Variants in ANK3 observed in about 807,000 individuals in gnomAD.
The protein encoded by ANK3 is ankyrin-3.
ANK3 carries 57 observed loss-of-function variants against 370.9 expected under a neutral mutation model. The observed-to-expected ratio is 0.15, with a 90% confidence interval of 0.12 to 0.19. ANK3 has a LOEUF of 0.19. Ranked by LOEUF, ANK3 falls within the 10% of genes least tolerant of loss-of-function variation. The probability of loss-of-function intolerance (pLI) is 1.00; values close to 1 mark genes in which losing one functional copy is unlikely to be tolerated. For missense variants in ANK3, 4,439 were observed against 5,302.1 expected (o/e 0.84, Z 5.06); for synonymous variants, 1,929 against 1,946.3 (o/e 0.99, Z 0.23).
intron 1 of ANK3, among the ~76,000 whole-genome samples, chr10:60,304,832 T>G (rs986505415): frequency 2.0e-5 from 3 of 152,160 alleles, no homozygotes; most frequent in African/African-American, 7.2e-5. Context: ...TTCCCACCCC[T>G]GCTTCATTCA....
At chr10:60,435,185 T>C (rs2064126383) in intron 2 of ANK3, among the ~76,000 whole-genome samples, 1 of 152,160 alleles carries the variant, frequency 6.6e-6, no homozygotes, top group African/African-American at 2.4e-5. Context: ...AGTATAGGAT[T>C]ACGGGTTGAA....
At position 60,147,009 on chromosome 10, in the gene ANK3, C is replaced by T. The variant is rs149884254; in HGVS notation, c.2615-7922G>A. Among the ~76,000 whole-genome samples, 9 of 152,244 alleles carry T rather than the reference C, an allele frequency of 5.9e-5. No homozygotes were observed. In the East Asian group the frequency reaches 7.7e-4, roughly 13 times the overall value. Reference sequence around the variant, plus strand: ...AGAGTTACAGAATAGTTGATGGGAACGTTAGTTAGATGCCAGATCTGCATG... The same window carrying T: ...AGAGTTACAGAATAGTTGATGGGAATGTTAGTTAGATGCCAGATCTGCATG... On this transcript the variant is annotated intron_variant, in intron 23 of 43. Coordinates refer to ENST00000280772, the MANE Select transcript of ANK3 (RefSeq NM_020987.5).
intron 23 of ANK3, among the ~76,000 whole-genome samples, chr10:60,157,223 G>A (rs912249378): frequency 6.6e-5 from 10 of 151,826 alleles, no homozygotes; most frequent in African/African-American, 2.2e-4. Context: ...TTTTAGTAGA[G>A]ACAGGGTTTC....
At chr10:60,187,385 G>C (rs1361082362) in intron 16 of ANK3, among the ~76,000 whole-genome samples, 1 of 152,044 alleles carries the variant, frequency 6.6e-6, no homozygotes, top group Non-Finnish European at 1.5e-5. Context: ...TCCATCTCCT[G>C]ACCTCGTGAT....
At chr10:60,240,165 CAT>C (rs1185317188) in intron 7 of ANK3, among the ~76,000 whole-genome samples, 3 of 130,098 alleles carry the variant, frequency 2.3e-5, no homozygotes, top group African/African-American at 1.0e-4. Context: ...CATATATACA[CAT>C]ATATATACAT....
intron 1 of ANK3, among the ~76,000 whole-genome samples, chr10:60,654,285 T>C (rs979979696): frequency 6.6e-6 from 1 of 152,176 alleles, no homozygotes; most frequent in African/African-American, 2.4e-5. Context: ...TTCTTTCCAA[T>C]TTGTACATAT....
chr10:60,460,084 ACAC>A (rs72054178), intron 2 of ANK3, among the ~76,000 whole-genome samples: 34,331 of 151,966 alleles, frequency 0.23, 4,052 homozygotes, highest in East Asian at 0.38. Flanking sequence ...AGCCTAGAAC[ACAC>A]CACCAATTCC....
intron 7 of ANK3, among the ~76,000 whole-genome samples, chr10:60,258,504 G>C (rs191582177): frequency 6.6e-5 from 10 of 152,170 alleles, no homozygotes; most frequent in Non-Finnish European, 7.3e-5. Context: ...ATTCACCACT[G>C]ACTGGGACCT....
chr10:60,358,859 A>AT (rs1371716369), intron 1 of ANK3, among the ~76,000 whole-genome samples: 1 of 151,716 alleles, frequency 6.6e-6, no homozygotes, highest in African/African-American at 2.4e-5. Context: ...TTTGGAAAAG[A>AT]TTTTTTATTT....
At chr10:60,242,709 G>T (rs2097486401) in intron 7 of ANK3, among the ~76,000 whole-genome samples, 1 of 152,176 alleles carries the variant, frequency 6.6e-6, no homozygotes, top group Non-Finnish European at 1.5e-5. Context: ...CATCACAGGG[G>T]TGTCAAGAGG....
intron 40 of ANK3, among the ~76,000 whole-genome samples, chr10:60,060,911 G>A (rs1309752336): frequency 1.3e-5 from 2 of 152,138 alleles, no homozygotes; most frequent in Non-Finnish European, 2.9e-5. Context: ...GGGGAGGGGG[G>A]AACGAATCCC....
chr10:60,338,609 T>G (rs1014294898), intron 1 of ANK3, among the ~76,000 whole-genome samples: 4 of 152,214 alleles, frequency 2.6e-5, no homozygotes, highest in African/African-American at 9.6e-5. Flanking sequence ...TATGACGTTG[T>G]GTCCCCCCAG....
In ANK3 at chr10:60,181,345, A is replaced by C. The variant is rs1328935675; in HGVS notation, c.2168T>G (p.Val723Gly). Residue 723 changes from valine (V) to glycine (G), a missense_variant, in exon 18 of 44, where the codon GTG becomes GGG. Coordinates refer to ENST00000280772, the MANE Select transcript of ANK3 (RefSeq NM_020987.5). ...GCCGTATACCTTTGTCTGGGCGTCC[A>C]CATGAGCCCCTTGGTTTACGAGGAC... The part of the protein sequence containing the change: ...AEVLVNQGAH[V>G]DAQTKMGYTP... 1.2e-6 allele frequency: 2 copies of C among 1,614,112 alleles called. No individual in the cohort carries two copies. Among genetic ancestry groups the C allele is most frequent in the Non-Finnish European group, 1.7e-6 (2 of 1,180,040 alleles).
At chr10:60,693,505 A>T (rs1196884594) in intron 1 of ANK3, among the ~76,000 whole-genome samples, 1 of 152,252 alleles carries the variant, frequency 6.6e-6, no homozygotes, top group Non-Finnish European at 1.5e-5. Context: ...TCCCTGTCTG[A>T]CAGCTTTGAA....
intron 42 of ANK3, among the ~76,000 whole-genome samples, chr10:60,049,587 A>G (rs2077542722): frequency 6.6e-6 from 1 of 151,918 alleles, no homozygotes; most frequent in African/African-American, 2.4e-5. Flanking sequence ...CTCTGTCTCA[A>G]AAAAAAAGTA....
intron 25 of ANK3, 37 bp downstream of exon 25, chr10:60,134,234 T>G (rs1229107460): frequency 1.3e-6 from 2 of 1,512,024 alleles, no homozygotes; most frequent in African/African-American, 2.8e-5. Context: ...CAAATGTAAG[T>G]TTAATGGTCA....
At chr10:60,424,090 A>G (rs550892634) in intron 2 of ANK3, among the ~76,000 whole-genome samples, 9 of 152,180 alleles carry the variant, frequency 5.9e-5, no homozygotes, top group African/African-American at 2.2e-4. Context: ...GAGGACAACA[A>G]AAGTTTGATT....
intron 2 of ANK3, among the ~76,000 whole-genome samples, chr10:60,603,148 T>C (rs1282970321): frequency 6.6e-6 from 1 of 152,168 alleles, no homozygotes; most frequent in Non-Finnish European, 1.5e-5. Flanking sequence ...TTTAAAATGG[T>C]TCATTCTCCA....
chr10:60,631,262 C>T (rs776732964), intron 1 of ANK3, among the ~76,000 whole-genome samples: 4 of 152,124 alleles, frequency 2.6e-5, no homozygotes, highest in Non-Finnish European at 4.4e-5. Flanking sequence ...GGCATGGTGG[C>T]TCACGCCTGT....
Sources: gnomAD v4.1 joint callset for allele counts (sites outside exome capture counted in the v4.1 genomes callset) on GRCh38, gnomAD v4.1.1 for gene constraint, MANE v1.5 for transcripts, NCBI Gene and HGNC (gene_info 2026-07-23, HGNC 2026-07-21) for gene names.